Variants in COLEC12 observed in about 807,000 individuals in gnomAD.
The protein encoded by COLEC12 is collectin subfamily member 12.
A neutral mutation model predicts 71.1 loss-of-function variants in COLEC12; 33 were observed. The observed-to-expected ratio is 0.46, with a 90% CI of 0.35 to 0.62. The LOEUF (loss-of-function observed/expected upper bound fraction) is 0.62. COLEC12 is among the 20% of genes least tolerant of loss of function. COLEC12 has a pLI of 0.00. For missense variants in COLEC12, 765 were observed against 916.1 expected (o/e 0.84, Z 2.13); for synonymous variants, 350 against 353.0 (o/e 0.99, Z 0.10).
chr18:467,720 G>C (rs1381638163), intron 2 of COLEC12, among the ~76,000 whole-genome samples: 2 of 152,162 alleles, frequency 1.3e-5, no homozygotes, highest in Non-Finnish European at 2.9e-5. Context: ...ATCTGGAACA[G>C]AGTTCGTTCA....
intron 2 of COLEC12, among the ~76,000 whole-genome samples, chr18:374,939 T>C (rs569758570): frequency 1.3e-5 from 2 of 152,226 alleles, no homozygotes; most frequent in Non-Finnish European, 2.9e-5. Context: ...CACAGATACA[T>C]GGGAAGTTGG....
chr18:431,124 C>T (rs1452149341), intron 2 of COLEC12, among the ~76,000 whole-genome samples: 1 of 140,480 alleles, frequency 7.1e-6, no homozygotes, highest in Non-Finnish European at 1.6e-5. Context: ...TCTCAAGTAG[C>T]TGGGACTGAC....
intron 2 of COLEC12, among the ~76,000 whole-genome samples, chr18:400,530 C>T (rs1162280562): frequency 3.9e-5 from 6 of 152,150 alleles, no homozygotes; most frequent in African/African-American, 1.4e-4. Context: ...GGTAATTTCA[C>T]CCCTAGTACT....
At position 408,289 on chromosome 18, in the gene COLEC12, T is replaced by A. The variant is rs1915827350; in HGVS notation, c.59-50767A>T. ...GTTATTAAAAGGTCAGCACAGTGCC[T>A]GGCCCCTGATACCTGCAAATGTCAG... On this transcript the variant is annotated intron_variant, in intron 2 of 9. Transcript: ENST00000400256. The surrounding 1 kb of genome is among the most constrained non-coding windows in gnomAD (Gnocchi z 4.3). Among the ~76,000 whole-genome samples the A allele has an allele frequency of 6.6e-6, 1 of 152,216 alleles. No homozygotes were observed. The highest frequency in any genetic ancestry group is 2.4e-5 in the African/African-American group (1 of 41,440).
At chr18:331,191 G>A (rs1468612782) in intron 8 of COLEC12, among the ~76,000 whole-genome samples, 3 of 152,108 alleles carry the variant, frequency 2.0e-5, no homozygotes, top group African/African-American at 7.2e-5. Context: ...GCCCAGCCAG[G>A]AAAATTACTC....
chr18:378,427 G>A (rs1199004551), intron 2 of COLEC12, among the ~76,000 whole-genome samples: 2 of 152,192 alleles, frequency 1.3e-5, no homozygotes. Flanking sequence ...GCCAGGACAT[G>A]GAGACTATTC....
chr18:442,951 ACT>A (rs931737101), intron 2 of COLEC12, among the ~76,000 whole-genome samples: 25 of 152,116 alleles, frequency 1.6e-4, no homozygotes, highest in Non-Finnish European at 3.4e-4. Context: ...ACAGAGCGAG[ACT>A]CTGTCTCAAA....
At chr18:335,899 T>G (rs1159761082) in intron 5 of COLEC12, among the ~76,000 whole-genome samples, 2 of 152,222 alleles carry the variant, frequency 1.3e-5, no homozygotes, top group Non-Finnish European at 1.5e-5. Flanking sequence ...CAGGGGCTTA[T>G]TCTTCACAGT....
chr18:421,221 T>C (rs1567902994), intron 2 of COLEC12, among the ~76,000 whole-genome samples: 1 of 152,248 alleles, frequency 6.6e-6, no homozygotes, highest in Non-Finnish European at 1.5e-5. Flanking sequence ...TGCCTGGTGA[T>C]ATAAACCAAA....
chr18:386,455 C>G (rs1333891949), intron 2 of COLEC12, among the ~76,000 whole-genome samples: 1 of 152,140 alleles, frequency 6.6e-6, no homozygotes, highest in African/African-American at 2.4e-5. Flanking sequence ...CAAGCCTGTC[C>G]CCAGACCTAC....
chr18:367,734 G>C (rs1476462209), intron 2 of COLEC12, among the ~76,000 whole-genome samples: 1 of 152,206 alleles, frequency 6.6e-6, no homozygotes, highest in Non-Finnish European at 1.5e-5. Context: ...ACGCCTGTGA[G>C]GGGAGAGTGG....
Position 346,820 on chromosome 18 carries a change from G to T in COLEC12, c.802C>A (p.Leu268Met), listed in dbSNP as rs751397291. ...GCCAACGCAGAGTTGTTGGCAGCCA[G>T]CGTCTGCAAGCTCTGCACTTTCTCC... ...LKEKVQSLQT[L>M]AANNSALAKA... The change falls in exon 5 of 10, where the codon CTG (leucine) becomes ATG (methionine). Residue 268 changes from leucine to methionine, a missense_variant. Transcript: ENST00000400256. This position sits in a 1 kb window ranked among gnomAD's most constrained non-coding sequence, Gnocchi z 4.0. 1 of 1,614,164 alleles carries T rather than the reference G, an allele frequency of 6.2e-7. No homozygotes were observed. The highest frequency in any genetic ancestry group is 1.7e-5 in the Admixed American group (1 of 60,038).
intron 2 of COLEC12, among the ~76,000 whole-genome samples, chr18:375,176 T>A (rs1915086128): frequency 6.6e-6 from 1 of 152,084 alleles, no homozygotes. Flanking sequence ...GAGCTTCTCC[T>A]CTCCTGAGAG....
Position 500,136 on chromosome 18 carries a change from C to T in COLEC12, c.7+372G>A, listed in dbSNP as rs1167989360. 6.6e-6 allele frequency among the ~76,000 whole-genome samples: 1 copy of T among 151,832 alleles called. No homozygotes were observed. Among genetic ancestry groups the T allele is most frequent in the Non-Finnish European group, 1.5e-5 (1 of 67,962 alleles). ...GAGAGGACTGGGCGAGCGTGGGGAG[C>T]GCTGCGGCGTGGAAAAGCGACCGGG... On this transcript the variant is annotated intron_variant, in intron 1 of 9. Transcript: ENST00000400256. The surrounding 1 kb of genome is among the most constrained non-coding windows in gnomAD (Gnocchi z 5.3).
At chr18:349,004 T>G (rs183994711) in intron 3 of COLEC12, among the ~76,000 whole-genome samples, 1 of 152,324 alleles carries the variant, frequency 6.6e-6, no homozygotes, top group African/African-American at 2.4e-5. Flanking sequence ...TGGTAGTGAA[T>G]AAGTCTCACA....
chr18:350,959 CAA>C (rs71174228), intron 3 of COLEC12, among the ~76,000 whole-genome samples: 49 of 66,290 alleles, frequency 7.4e-4, no homozygotes, highest in Admixed American at 6.8e-4. Context: ...GACTCTGTCT[CAA>C]AAAAAAAAAA....
rs1914767966 is a variant in COLEC12 at position 362,499 on chromosome 18, G to C, written c.59-4977C>G. On this transcript the variant is annotated intron_variant, in intron 2 of 9. Coordinates refer to ENST00000400256, the MANE Select transcript of COLEC12 (RefSeq NM_130386.3). The surrounding 1 kb of genome is among the most constrained non-coding windows in gnomAD (Gnocchi z 4.6). ...GATGGTTACAAAATAACATTCAAGA[G>C]AGATATCCCCCTGTTACCAGCCTTT... Among the ~76,000 whole-genome samples the C allele has an allele frequency of 1.3e-5, 2 of 151,856 alleles. No homozygotes were observed. The highest frequency in any genetic ancestry group is 4.2e-4 in the South Asian group (2 of 4,804).
At chr18:339,274 T>A (rs1183318210) in intron 5 of COLEC12, among the ~76,000 whole-genome samples, 1 of 152,166 alleles carries the variant, frequency 6.6e-6, no homozygotes, top group Non-Finnish European at 1.5e-5. Context: ...ATTCATCCTA[T>A]TTCTTTCTGG....
At chr18:416,747 T>G (rs966168760) in intron 2 of COLEC12, among the ~76,000 whole-genome samples, 2 of 151,966 alleles carry the variant, frequency 1.3e-5, no homozygotes, top group African/African-American at 4.8e-5. Context: ...TTAAGGTCCT[T>G]CAGGTCTCTG....
Sources: allele counts gnomAD v4.1 joint callset (sites outside exome capture counted in the v4.1 genomes callset), GRCh38; gene constraint gnomAD v4.1.1; non-coding constraint Gnocchi (gnomAD v3.1); transcripts MANE v1.5; gene names NCBI Gene and HGNC (gene_info 2026-07-23, HGNC 2026-07-21).